The following RALGPS1 variants were observed in gnomAD, a reference collection of about 807,000 sequenced individuals.
RALGPS1 encodes Ral GEF with PH domain and SH3 binding motif 1, also known as ras-specific guanine nucleotide-releasing factor RalGPS1.
Under a neutral mutation model 78.8 loss-of-function variants are expected in RALGPS1, and 19 were observed. That is an observed-to-expected ratio of 0.24 (90% confidence interval 0.17 to 0.35). The LOEUF (loss-of-function observed/expected upper bound fraction) is 0.35. Among genes scored for constraint, RALGPS1 ranks in the 10% least tolerant of loss-of-function variants. The pLI is 1.00. For synonymous variants in RALGPS1, 228 were observed against 256.3 expected (o/e 0.89, Z 1.06); for missense variants, 454 against 688.3 (o/e 0.66, Z 3.81).
intron 8 of RALGPS1, among the ~76,000 whole-genome samples, chr9:127,162,895 T>C (rs960316172): frequency 6.6e-6 from 1 of 152,218 alleles, no homozygotes; most frequent in Non-Finnish European, 1.5e-5. Flanking sequence ...TGCAGCAGCC[T>C]GATAGACCTG....
At chr9:127,086,302 G>A (rs1480323592) in intron 8 of RALGPS1, among the ~76,000 whole-genome samples, 1 of 152,196 alleles carries the variant, frequency 6.6e-6, no homozygotes, top group Non-Finnish European at 1.5e-5. Flanking sequence ...ATATACACTG[G>A]CAAGTTACTC....
chr9:127,037,380 C>T (rs1429165997), intron 5 of RALGPS1, among the ~76,000 whole-genome samples: 1 of 152,230 alleles, frequency 6.6e-6, no homozygotes, highest in Non-Finnish European at 1.5e-5. Flanking sequence ...CTCTTTGGGT[C>T]TCAGGACCTT....
At chr9:126,997,247 G>T (rs1203974577) in intron 4 of RALGPS1, among the ~76,000 whole-genome samples, 2 of 152,060 alleles carry the variant, frequency 1.3e-5, no homozygotes, top group Non-Finnish European at 2.9e-5. Flanking sequence ...CAGATTGTCC[G>T]TTTGCAGATG....
In RALGPS1 at chr9:127,039,190, C is replaced by T. The variant is rs184392382; in HGVS notation, c.300+4676C>T. Among the ~76,000 whole-genome samples the T allele has an allele frequency of 2.6e-5, 4 of 152,118 alleles. No homozygotes were observed. The East Asian group carries it at 5.8e-4, about 22-fold the overall frequency. ...CAAGTGAGTACCTGAGGATTGCTGA[C>T]ATTTAAGGGATGGGCAGAGGAGAGG... On this transcript the variant is annotated intron_variant, in intron 5 of 18. Transcript: ENST00000259351.
intron 8 of RALGPS1, among the ~76,000 whole-genome samples, chr9:127,095,773 G>A (rs563234957): frequency 8.3e-4 from 126 of 152,348 alleles, no homozygotes; most frequent in African/African-American, 2.8e-3. Flanking sequence ...TAGTTCACAC[G>A]TAATAGTTAT....
chr9:127,204,651 C>T (rs1200219110), intron 14 of RALGPS1, among the ~76,000 whole-genome samples: 1 of 152,156 alleles, frequency 6.6e-6, no homozygotes, highest in Non-Finnish European at 1.5e-5. Context: ...ACAGTTGCCC[C>T]TCAGAGTGCT....
rs139986178 is a variant in RALGPS1 at position 126,938,560 on chromosome 9, G to A, written c.-66+23585G>A. On this transcript the variant is annotated intron_variant, in intron 1 of 18. Coordinates refer to ENST00000259351, the MANE Select transcript of RALGPS1 (RefSeq NM_014636.3). ...TGTGCTCTTGGTGGCTCAAAGTGAG[G>A]TGGGTGGAAGGGGGAGGGCGTACAA... 4.6e-5 allele frequency among the ~76,000 whole-genome samples: 7 copies of A among 152,310 alleles called. No individual in the cohort carries two copies. In the East Asian group the frequency reaches 1.4e-3, roughly 29 times the overall value.
At chr9:127,013,295 G>A (rs1025273840) in intron 4 of RALGPS1, among the ~76,000 whole-genome samples, 10 of 152,168 alleles carry the variant, frequency 6.6e-5, no homozygotes, top group African/African-American at 2.4e-4. Flanking sequence ...CAGAGCAAGT[G>A]TTGTTTGGGA....
intron 5 of RALGPS1, among the ~76,000 whole-genome samples, chr9:127,035,309 G>T (rs2046772041): frequency 6.6e-6 from 1 of 152,072 alleles, no homozygotes; most frequent in Non-Finnish European, 1.5e-5. Context: ...AAACTGACTT[G>T]GTCCAACAAG....
chr9:127,206,311 C>T (rs943891477), intron 14 of RALGPS1, among the ~76,000 whole-genome samples: 27 of 152,100 alleles, frequency 1.8e-4, no homozygotes, highest in South Asian at 4.2e-4. Flanking sequence ...AAGACATACC[C>T]GAGACTAGGT....
chr9:127,120,162 A>G (rs769715654), intron 8 of RALGPS1, among the ~76,000 whole-genome samples: 2 of 152,158 alleles, frequency 1.3e-5, no homozygotes, highest in African/African-American at 2.4e-5. Flanking sequence ...AAACCTGACT[A>G]TGGATCCTCC....
intron 8 of RALGPS1, among the ~76,000 whole-genome samples, chr9:127,160,995 G>C (rs1029638866): frequency 6.6e-6 from 1 of 152,202 alleles, no homozygotes; most frequent in African/African-American, 2.4e-5. Context: ...TCTCAGCCTT[G>C]CCTGGTCCCT....
chr9:127,119,785 C>T (rs1173712696), intron 8 of RALGPS1, among the ~76,000 whole-genome samples: 1 of 152,138 alleles, frequency 6.6e-6, no homozygotes, highest in East Asian at 1.9e-4. Context: ...ACCCAGACTG[C>T]CTCATTAGTA....
intron 8 of RALGPS1, among the ~76,000 whole-genome samples, chr9:127,121,232 C>T (rs1162909626): frequency 2.0e-5 from 3 of 152,198 alleles, no homozygotes; most frequent in Non-Finnish European, 4.4e-5. Flanking sequence ...CCATTGTTAC[C>T]ACCTGGGCAG....
chr9:126,934,444 G>A (rs1202937992), intron 1 of RALGPS1, among the ~76,000 whole-genome samples: 4 of 152,194 alleles, frequency 2.6e-5, no homozygotes, highest in Non-Finnish European at 5.9e-5. Context: ...CGGTCATGCC[G>A]TGTGGGCACC....
intron 8 of RALGPS1, among the ~76,000 whole-genome samples, chr9:127,131,527 G>A (rs1031569601): frequency 7.2e-5 from 11 of 152,172 alleles, no homozygotes; most frequent in South Asian, 6.2e-4. Flanking sequence ...CTCTTTGTCC[G>A]TCTTCCATTT....
At chr9:127,192,466 G>T (rs778949973) in intron 11 of RALGPS1, among the ~76,000 whole-genome samples, 3 of 152,212 alleles carry the variant, frequency 2.0e-5, no homozygotes, top group Admixed American at 6.5e-5. Flanking sequence ...GTGCCAAGAG[G>T]TGGATGTATG....
At chr9:127,108,522 G>C (rs376334260) in intron 8 of RALGPS1, 2 of 1,613,028 alleles carry the variant, frequency 1.2e-6, no homozygotes, top group Non-Finnish European at 8.5e-7. Context: ...TGGAGTTGAC[G>C]CAGATGGCAC....
At chr9:127,054,732 C>T (rs1296180199) in intron 7 of RALGPS1, among the ~76,000 whole-genome samples, 1 of 152,134 alleles carries the variant, frequency 6.6e-6, no homozygotes, top group East Asian at 1.9e-4. Context: ...AATCCCAGTA[C>T]TTTGGGAAGC....
Sources: gnomAD v4.1 joint callset for allele counts (sites outside exome capture counted in the v4.1 genomes callset) on GRCh38, gnomAD v4.1.1 for gene constraint, MANE v1.5 for transcripts, NCBI Gene and HGNC (gene_info 2026-07-23, HGNC 2026-07-21) for gene names.